Variants in LRCH3 observed in about 807,000 individuals in gnomAD.
LRCH3 encodes leucine rich repeats and calponin homology domain containing 3.
In LRCH3, 68 loss-of-function variants were observed where a neutral mutation model predicts 104.5. The observed-to-expected ratio is 0.65, with a 90% CI of 0.54 to 0.80. The LOEUF (loss-of-function observed/expected upper bound fraction) is 0.80. LRCH3 is among the 30% of genes least tolerant of loss of function. The pLI, the probability that LRCH3 is intolerant of heterozygous loss-of-function variation, is 0.00. For synonymous variants in LRCH3, 344 were observed against 361.3 expected, an observed-to-expected ratio of 0.95 and a Z score of 0.54; for missense variants, 951 against 953.9, an observed-to-expected ratio of 1.00 and a Z score of 0.04.
At chr3:197,837,509 A>G (rs940927212) in intron 9 of LRCH3, among the ~76,000 whole-genome samples, 8 of 152,208 alleles carry the variant, frequency 5.3e-5, no homozygotes, top group Non-Finnish European at 1.2e-4. Flanking sequence ...ATGGTTTCAC[A>G]ACCAGTGAAG....
intron 10 of LRCH3, among the ~76,000 whole-genome samples, chr3:197,844,646 C>T (rs557768129): frequency 1.1e-4 from 17 of 150,994 alleles, no homozygotes; most frequent in Admixed American, 4.6e-4. Context: ...CCAGATGGAG[C>T]CTCACTCTGT....
chr3:197,836,814 A>T (rs1736866192), intron 9 of LRCH3, among the ~76,000 whole-genome samples: 1 of 152,098 alleles, frequency 6.6e-6, no homozygotes, highest in Middle Eastern at 3.2e-3. Flanking sequence ...AGTAGCTGGG[A>T]TTACAGGCAC....
chr3:197,850,893 T>C (rs1739501242), intron 12 of LRCH3: 2 of 862,558 alleles, frequency 2.3e-6, no homozygotes, highest in Non-Finnish European at 4.0e-6. Context: ...AACACGAAGA[T>C]TGGAACCTCT....
intron 10 of LRCH3, among the ~76,000 whole-genome samples, chr3:197,844,696 C>T (rs1738350927): frequency 6.6e-6 from 1 of 152,114 alleles, no homozygotes; most frequent in Admixed American, 6.6e-5. Context: ...TGACTCACTG[C>T]AACCTCCACC....
intron 12 of LRCH3, 137 bp from the exon 13 acceptor site, chr3:197,852,424 A>G: frequency 1.3e-6 from 1 of 776,996 alleles, no homozygotes; most frequent in East Asian, 2.5e-5. Flanking sequence ...TTTTCTAACT[A>G]GTAAATCTAG....
rs906505608 is a variant in LRCH3 at position 197,836,428 on chromosome 3, A to C, written c.1251+606A>C. On this transcript the variant is annotated intron_variant, in intron 9 of 20. Coordinates refer to ENST00000425562, the MANE Select transcript of LRCH3 (RefSeq NM_001365715.1). Reference sequence around the variant, plus strand: ...CCAATTCCCCAAGGGTCTCAGATAGAATAGCATTCTTCAGTCTATCTTGTC... The same window carrying C: ...CCAATTCCCCAAGGGTCTCAGATAGCATAGCATTCTTCAGTCTATCTTGTC... Among the ~76,000 whole-genome samples the C allele has an allele frequency of 7.9e-4, 120 of 152,084 alleles. 1 individual carries two copies. The highest frequency in any genetic ancestry group is 2.2e-4 in the Non-Finnish European group (15 of 68,024).
At chr3:197,812,542 C>T (rs769467380) in intron 1 of LRCH3, among the ~76,000 whole-genome samples, 67 of 20,890 alleles carry the variant, frequency 3.2e-3, no homozygotes, top group Non-Finnish European at 7.0e-3. Context: ...GGTGGAGTCT[C>T]ACTCTGTCGC....
At chr3:197,833,342 A>T (rs1736219589) in intron 8 of LRCH3, among the ~76,000 whole-genome samples, 1 of 119,608 alleles carries the variant, frequency 8.4e-6, no homozygotes, top group African/African-American at 3.1e-5. Flanking sequence ...CAACATGGTG[A>T]AACCCCATCT....
At chr3:197,807,253 G>A (rs1732601454) in intron 1 of LRCH3, among the ~76,000 whole-genome samples, 1 of 141,452 alleles carries the variant, frequency 7.1e-6, no homozygotes, top group African/African-American at 2.6e-5. Flanking sequence ...GTCTCGTTCT[G>A]TCGCCCAGGC....
intron 20 of LRCH3, among the ~76,000 whole-genome samples, chr3:197,880,156 G>A (rs111553739): frequency 0.11 from 15,859 of 148,584 alleles, 940 homozygotes; most frequent in African/African-American, 0.13. Flanking sequence ...CGTGTTAGCC[G>A]GGATGGTCTC....
chr3:197,791,651 G>A (rs1730527160), intron 1 of LRCH3, 111 bp downstream of exon 1: 1 of 1,265,716 alleles, frequency 7.9e-7, no homozygotes, highest in Non-Finnish European at 1.0e-6. Context: ...GTAGGCGCCG[G>A]GTCCGGACCC....
intron 12 of LRCH3, among the ~76,000 whole-genome samples, chr3:197,850,116 T>C (rs1185993919): frequency 2.0e-5 from 3 of 152,136 alleles, no homozygotes; most frequent in Non-Finnish European, 4.4e-5. Flanking sequence ...CTAAACAGGA[T>C]GGGAGCTGGG....
chr3:197,792,994 G>C (rs1358426224), intron 1 of LRCH3, among the ~76,000 whole-genome samples: 1 of 152,066 alleles, frequency 6.6e-6, no homozygotes, highest in Non-Finnish European at 1.5e-5. Context: ...TTGCTATGTT[G>C]CCCAGGCTGG....
chr3:197,822,422 G>A lies in LRCH3; in HGVS notation c.640+1992G>A, dbSNP rs1451542507. Among the ~76,000 whole-genome samples, 4 of 152,166 alleles carry A rather than the reference G, an allele frequency of 2.6e-5. No individual in the cohort carries two copies. The East Asian group carries it at 5.8e-4, about 22-fold the overall frequency. ...AATATTTAGTGTGAAATCAATTAAT[G>A]AGAATATTAGGGTTTTAATCAAAAT... On this transcript the variant is annotated intron_variant, in intron 4 of 20. Coordinates refer to ENST00000425562, the MANE Select transcript of LRCH3 (RefSeq NM_001365715.1).
At chr3:197,796,668 C>G (rs1731241209) in intron 1 of LRCH3, among the ~76,000 whole-genome samples, 1 of 152,108 alleles carries the variant, frequency 6.6e-6, no homozygotes, top group Non-Finnish European at 1.5e-5. Flanking sequence ...GTTGTAAATA[C>G]TATTTTTGAC....
intron 20 of LRCH3, chr3:197,882,848 T>A: frequency 1.0e-6 from 1 of 985,388 alleles, no homozygotes; most frequent in Non-Finnish European, 1.2e-6. Flanking sequence ...CTGGAATAAT[T>A]CAGGCTGTTA....
chr3:197,835,604 A>T (rs1736669749), intron 8 of LRCH3, 70 bp from the exon 9 acceptor site: 1 of 1,354,010 alleles, frequency 7.4e-7, no homozygotes, highest in African/African-American at 1.5e-5. Context: ...AATGTCTTTT[A>T]TTGGCTATCT....
At chr3:197,843,044 C>T (rs1414858848) in intron 10 of LRCH3, among the ~76,000 whole-genome samples, 1 of 149,436 alleles carries the variant, frequency 6.7e-6, no homozygotes, top group African/African-American at 2.5e-5. Context: ...GAGATTGCAC[C>T]ACTGCATTCC....
At chr3:197,869,224 G>A (rs57742693) in intron 17 of LRCH3, among the ~76,000 whole-genome samples, 187 of 144,216 alleles carry the variant, frequency 1.3e-3, no homozygotes, top group African/African-American at 5.1e-3. Flanking sequence ...AGAAAGCGAT[G>A]CACTGTACCT....
Sources: allele counts gnomAD v4.1 joint callset (sites outside exome capture counted in the v4.1 genomes callset), GRCh38; gene constraint gnomAD v4.1.1; transcripts MANE v1.5; gene names NCBI Gene and HGNC (gene_info 2026-07-23, HGNC 2026-07-21).